SH3BGRL2: variants seen among roughly 807,000 people sequenced by gnomAD.
The protein encoded by SH3BGRL2 is SH3 domain-binding glutamic acid-rich-like protein 2.
In SH3BGRL2, 21 loss-of-function variants were observed where a neutral mutation model predicts 14.8. The ratio of observed to expected loss-of-function variants is 1.42; its 90% CI spans 1.01 to 2.05. The LOEUF (loss-of-function observed/expected upper bound fraction) is 2.05. SH3BGRL2 is among the 30% of genes most tolerant of loss of function. SH3BGRL2 has a pLI of 0.00. For missense variants in SH3BGRL2, 147 were observed against 130.8 expected, an observed-to-expected ratio of 1.12 and a Z score of -0.61; for synonymous variants, 50 against 47.8, an observed-to-expected ratio of 1.05 and a Z score of -0.19.
chr6:79,559,612 A>G, the SH3BGRL2 span, among the ~76,000 whole-genome samples: 1 of 152,240 alleles, frequency 6.6e-6, no homozygotes, highest in Non-Finnish European at 1.5e-5. Context: ...GGAGGAAACA[A>G]AAATGCTATA....
chr6:79,584,429 T>C, the SH3BGRL2 span, among the ~76,000 whole-genome samples: 5 of 152,010 alleles, frequency 3.3e-5, no homozygotes, highest in African/African-American at 4.8e-5. Flanking sequence ...TGTAAAAGAG[T>C]CCACTGCCAC....
At chr6:79,572,872 A>T in the SH3BGRL2 span, among the ~76,000 whole-genome samples, 1 of 152,158 alleles carries the variant, frequency 6.6e-6, no homozygotes, top group African/African-American at 2.4e-5. Context: ...CATTTTATAT[A>T]TATGTACACA....
At chr6:79,686,844 GT>G (rs1465186743) in intron 2 of SH3BGRL2, among the ~76,000 whole-genome samples, 1 of 152,104 alleles carries the variant, frequency 6.6e-6, no homozygotes, top group Non-Finnish European at 1.5e-5. Context: ...GAGAGTGGGG[GT>G]AGCATGAAGC....
intron 1 of SH3BGRL2, among the ~76,000 whole-genome samples, chr6:79,631,842 C>T (rs1005081560): frequency 2.6e-5 from 4 of 152,190 alleles, no homozygotes; most frequent in Non-Finnish European, 5.9e-5. Context: ...TCCCCCTTCC[C>T]CTAGTTTAGT....
At chr6:79,586,595 C>T in the SH3BGRL2 span, among the ~76,000 whole-genome samples, 1 of 152,158 alleles carries the variant, frequency 6.6e-6, no homozygotes, top group African/African-American at 2.4e-5. Context: ...TCTACATCTA[C>T]AGTGACTCTG....
At chr6:79,606,620 G>A in the SH3BGRL2 span, among the ~76,000 whole-genome samples, 1,301 of 152,166 alleles carry the variant, frequency 8.5e-3, 11 homozygotes, top group South Asian at 0.014. Flanking sequence ...GATCTTTGAC[G>A]TTTTAGAAAT....
At chr6:79,631,631 C>A (rs1582709756) in intron 1 of SH3BGRL2, 125 bp downstream of exon 1, 2 of 659,274 alleles carry the variant, frequency 3.0e-6, no homozygotes, top group East Asian at 3.8e-5. Flanking sequence ...CCGCGCCCGG[C>A]AGGTGATCCA....
At position 79,673,622 on chromosome 6, in the gene SH3BGRL2, G is replaced by A; in HGVS notation, c.54G>A (p.Lys18=). The change falls in exon 2 of 4, where the codon AAG becomes AAA. Residue 18 remains lysine (K), a synonymous_variant. Transcript: ENST00000369838. ...TTGTCTTCTCTCTTTAGATAAAGAA[G>A]AAGCAGCAAGATGTGGTTAGATTTC... is the stretch of plus-strand genomic sequence containing the variant. The part of the protein sequence containing the change: ...ASSSGFVAIK[K]KQQDVVRFLE... 6.2e-7 allele frequency: 1 copy of A among 1,613,858 alleles called. No individual in the cohort carries two copies. The highest frequency in any genetic ancestry group is 1.7e-5 in the Admixed American group (1 of 59,978).
At chr6:79,662,926 A>T (rs1463832613) in intron 1 of SH3BGRL2, among the ~76,000 whole-genome samples, 1 of 151,956 alleles carries the variant, frequency 6.6e-6, no homozygotes, top group East Asian at 1.9e-4. Context: ...CCTTTCTTCC[A>T]CTTGATCAAA....
In SH3BGRL2 at chr6:79,640,772, G is replaced by C. The variant is rs554462740; in HGVS notation, c.45+9266G>C. 1.3e-3 allele frequency among the ~76,000 whole-genome samples: 203 copies of C among 152,158 alleles called. 1 individual carries two copies. Among genetic ancestry groups the C allele is most frequent in the African/African-American group, 4.8e-3 (199 of 41,514 alleles). ...CGTTGGGTGCGACTGAGGGCAGGGGGTTCTAACTAATTTAGGATGTGTTTG... is the reference window on the plus strand; with the variant it reads ...CGTTGGGTGCGACTGAGGGCAGGGGCTTCTAACTAATTTAGGATGTGTTTG... On this transcript the variant is annotated intron_variant, in intron 1 of 3. Transcript: ENST00000369838.
the SH3BGRL2 span, among the ~76,000 whole-genome samples, chr6:79,595,389 GAT>G: frequency 6.6e-6 from 1 of 152,090 alleles, no homozygotes; most frequent in African/African-American, 2.4e-5. Context: ...ACATGTAACT[GAT>G]AAAGATATTC....
At chr6:79,620,912 A>C in the SH3BGRL2 span, among the ~76,000 whole-genome samples, 1 of 152,198 alleles carries the variant, frequency 6.6e-6, no homozygotes, top group South Asian at 2.1e-4. Flanking sequence ...TGGGAAATAT[A>C]GTGGCTTTTA....
chr6:79,588,024 T>C, the SH3BGRL2 span, among the ~76,000 whole-genome samples: 1 of 151,066 alleles, frequency 6.6e-6, no homozygotes, highest in Non-Finnish European at 1.5e-5. Flanking sequence ...CCGGGTGCGG[T>C]GGCTCATGGC....
At chr6:79,577,187 G>T in the SH3BGRL2 span, among the ~76,000 whole-genome samples, 2 of 152,132 alleles carry the variant, frequency 1.3e-5, no homozygotes, top group East Asian at 3.9e-4. Context: ...GACCATATAT[G>T]TGTATGTATG....
At chr6:79,583,312 A>G in the SH3BGRL2 span, among the ~76,000 whole-genome samples, 2 of 152,292 alleles carry the variant, frequency 1.3e-5, no homozygotes, top group African/African-American at 2.4e-5. Flanking sequence ...AAATCATGCT[A>G]CTATAAAGAC....
chr6:79,624,653 A>T, the SH3BGRL2 span, among the ~76,000 whole-genome samples: 34 of 152,212 alleles, frequency 2.2e-4, no homozygotes, highest in Middle Eastern at 3.4e-3. Context: ...CAGTTTATCC[A>T]GTGGTTACCC....
At chr6:79,590,424 G>GATTGATATAT in the SH3BGRL2 span, among the ~76,000 whole-genome samples, 74 of 66,682 alleles carry the variant, frequency 1.1e-3, 1 homozygote, top group African/African-American at 4.9e-3. Context: ...AAGAAAATGT[G>GATTGATATAT]ATATATATAT....
At chr6:79,555,604 G>A in the SH3BGRL2 span, among the ~76,000 whole-genome samples, 19,368 of 152,096 alleles carry the variant, frequency 0.13, 2,057 homozygotes, top group East Asian at 0.59. Flanking sequence ...TCCGCCTCCC[G>A]GGTTCAAGCG....
At chr6:79,657,301 G>A (rs948503754) in intron 1 of SH3BGRL2, among the ~76,000 whole-genome samples, 2 of 152,304 alleles carry the variant, frequency 1.3e-5, no homozygotes, top group African/African-American at 4.8e-5. Context: ...ATCAGCATCA[G>A]TGGGATAGGA....
Sources: gnomAD v4.1 joint callset for allele counts (sites outside exome capture counted in the v4.1 genomes callset) on GRCh38, gnomAD v4.1.1 for gene constraint, MANE v1.5 for transcripts, NCBI Gene and HGNC (gene_info 2026-07-23, HGNC 2026-07-21) for gene names.